The following DNAH12 variants were observed in gnomAD, a reference collection of about 807,000 sequenced individuals.
DNAH12 encodes the protein axonemal beta dynein heavy chain 12.
Under a neutral mutation model 371.5 loss-of-function variants are expected in DNAH12, and 285 were observed. The observed-to-expected ratio is 0.77, with a 90% CI of 0.70 to 0.85. The LOEUF is 0.85. Among genes scored for constraint, DNAH12 ranks in the 40% least tolerant of loss-of-function variants. The pLI is 0.00. For synonymous variants in DNAH12, 1,200 were observed against 1,213.0 expected (o/e 0.99, Z 0.22); for missense variants, 3,611 against 3,689.4 (o/e 0.98, Z 0.55).
rs1553674589 is a variant in DNAH12 at position 57,390,424 on chromosome 3, A to AT, written c.7305+1447_7305+1448insA. Among the ~76,000 whole-genome samples, 76 of 33,432 alleles carry AT rather than the reference A, an allele frequency of 2.3e-3. 2 individuals carry two copies. Among genetic ancestry groups the AT allele is most frequent in the African/African-American group, 3.8e-3 (60 of 15,866 alleles). The allele number at this position is 33,432 out of a possible 152,430, so 21.9% of individuals were successfully genotyped here. ...ATCCTGTCTCAAAAAAAAAAAAAAA[A>AT]ATATATATATATATATATATATATA... On this transcript the variant is annotated intron_variant, in intron 45 of 73. Coordinates refer to ENST00000495027, the MANE Select transcript of DNAH12 (RefSeq NM_001366028.2).
At chr3:57,313,198 C>T (rs919104510) in intron 66 of DNAH12, among the ~76,000 whole-genome samples, 1 of 152,168 alleles carries the variant, frequency 6.6e-6, no homozygotes, top group African/African-American at 2.4e-5. Flanking sequence ...TCAGATGCGT[C>T]CACCTTAAAC....
At chr3:57,341,686 C>T (rs1361968296) in intron 60 of DNAH12, among the ~76,000 whole-genome samples, 1 of 151,912 alleles carries the variant, frequency 6.6e-6, no homozygotes, top group Non-Finnish European at 1.5e-5. Context: ...GACTCTACTA[C>T]CCAAGGTGAT....
At chr3:57,493,607 G>A (rs2067206686) in intron 11 of DNAH12, 1 of 151,944 alleles carries the variant, frequency 6.6e-6, no homozygotes, top group African/African-American at 2.4e-5. Context: ...AAGGTAAAAA[G>A]TATGCATATT....
chr3:57,387,537 C>G (rs2063520800), intron 45 of DNAH12, among the ~76,000 whole-genome samples: 1 of 152,134 alleles, frequency 6.6e-6, no homozygotes, highest in Non-Finnish European at 1.5e-5. Flanking sequence ...TTTATCATGA[C>G]AGTGGCAGAA....
intron 60 of DNAH12, among the ~76,000 whole-genome samples, chr3:57,350,517 C>T (rs781975689): frequency 1.3e-5 from 2 of 152,186 alleles, no homozygotes; most frequent in Non-Finnish European, 2.9e-5. Flanking sequence ...AGACCACACA[C>T]ACACATCAGT....
intron 59 of DNAH12, among the ~76,000 whole-genome samples, chr3:57,354,462 T>A (rs910130209): frequency 8.9e-5 from 13 of 145,400 alleles, no homozygotes; most frequent in African/African-American, 3.3e-4. Context: ...TTTACCTGTA[T>A]AACAAACCTG....
intron 17 of DNAH12, among the ~76,000 whole-genome samples, chr3:57,464,293 T>G (rs1575638089): frequency 1.3e-5 from 2 of 151,866 alleles, no homozygotes; most frequent in East Asian, 1.9e-4. Context: ...CAAATCAGAG[T>G]GGCTATTCTG....
At chr3:57,476,486 C>G (rs1374041455) in intron 13 of DNAH12, among the ~76,000 whole-genome samples, 1 of 152,148 alleles carries the variant, frequency 6.6e-6, no homozygotes, top group East Asian at 1.9e-4. Flanking sequence ...ATCACTTGAA[C>G]CCAGGAGGCG....
At chr3:57,379,805 C>T (rs1216069029) in intron 51 of DNAH12, among the ~76,000 whole-genome samples, 1 of 125,124 alleles carries the variant, frequency 8.0e-6, no homozygotes, top group Non-Finnish European at 1.6e-5. Flanking sequence ...CCCGCCACTG[C>T]ACTCCAGCCT....
intron 11 of DNAH12, among the ~76,000 whole-genome samples, chr3:57,500,164 C>CCT (rs2067490430): frequency 1.4e-5 from 2 of 146,682 alleles, no homozygotes; most frequent in African/African-American, 5.2e-5. Flanking sequence ...CTCAGCCCCC[C>CCT]CTAGTAGCTG....
rs2063470178 is a variant in DNAH12, at chr3:57,384,843, G to C, written c.7846C>G (p.Leu2616Val). Residue 2616 changes from leucine to valine, a missense_variant, in exon 49 of 74, where the codon CTG becomes GTG. Leu to Val is a conservative substitution (Grantham distance 32). Transcript: ENST00000495027. ...IPALEAALSA[L>V]DTLKPADITI... Reference sequence around the variant, plus strand: ...CAAACACTTGCCTTAAGTGTATCCAGTGCAGACAGAGCTGCTTCCAAGGCT... The same window carrying C: ...CAAACACTTGCCTTAAGTGTATCCACTGCAGACAGAGCTGCTTCCAAGGCT... 6.6e-6 allele frequency: 1 copy of C among 152,156 alleles called. No individual in the cohort carries two copies. The highest frequency in any genetic ancestry group is 1.9e-4 in the East Asian group (1 of 5,192). The allele number at this position is 152,156 out of a possible 1,614,324, so 9.4% of individuals were successfully genotyped here.
At chr3:57,498,393 T>G in intron 11 of DNAH12, 4 of 681,282 alleles carry the variant, frequency 5.9e-6, no homozygotes, top group Non-Finnish European at 1.1e-5. Flanking sequence ...CATAACTCAC[T>G]GCAGACTCGA....
intron 69 of DNAH12, among the ~76,000 whole-genome samples, chr3:57,302,529 G>GTTCATATATATATATATA (rs879293648): frequency 2.1e-5 from 1 of 47,848 alleles, no homozygotes; most frequent in African/African-American, 8.5e-5. Flanking sequence ...GGCATCAGGT[G>GTTCATATATATATATATA]TATATATATA....
At chr3:57,514,810 C>G (rs1299003257) in intron 4 of DNAH12, among the ~76,000 whole-genome samples, 1 of 152,066 alleles carries the variant, frequency 6.6e-6, no homozygotes, top group African/African-American at 2.4e-5. Context: ...TAATAATTAC[C>G]TATTGAAAAG....
Position 57,378,938 on chromosome 3 carries a change from C to G in DNAH12, c.8223+220G>C, listed in dbSNP as rs971014711. Among the ~76,000 whole-genome samples, 103 of 152,290 alleles carry G rather than the reference C, an allele frequency of 6.8e-4. 1 individual carries two copies. The Middle Eastern group carries it at 0.044, about 65-fold the overall frequency. Reference sequence around the variant, plus strand: ...ACTAATTCTACTCATGATCCCTGCTCCTGCATCACTACCACCCACACCAGC... The same window carrying G: ...ACTAATTCTACTCATGATCCCTGCTGCTGCATCACTACCACCCACACCAGC... On this transcript the variant is annotated intron_variant, in intron 52 of 73. Transcript: ENST00000495027.
chr3:57,420,908 C>CAAAAAAAAAAAAAAAAA (rs369971376), intron 36 of DNAH12, among the ~76,000 whole-genome samples: 6 of 78,012 alleles, frequency 7.7e-5, no homozygotes, highest in African/African-American at 3.2e-4. Context: ...GACTCCGTCT[C>CAAAAAAAAAAAAAAAAA]AAAAAAAAAA....
In DNAH12 at chr3:57,415,457, A is replaced by T; in HGVS notation, c.5822T>A (p.Leu1941Ter). ...KDQYFPFYIN[L>*]SARTSANQVQ... ...CTGATTGGCGCTGGTCCGTGCAGAT[A>T]AGTTAATATAAAAAGGAAAGTACTG... The change falls in exon 38 of 74, where the codon TTA (leucine) becomes TAA (stop). Residue 1941 changes from leucine to a stop codon, truncating the protein, a stop_gained. Coordinates refer to ENST00000495027, the MANE Select transcript of DNAH12 (RefSeq NM_001366028.2). LOFTEE classifies it high-confidence loss of function. 1.9e-6 allele frequency: 3 copies of T among 1,550,700 alleles called. No homozygotes were observed. Among genetic ancestry groups the T allele is most frequent in the Non-Finnish European group, 2.6e-6 (3 of 1,146,766 alleles).
intron 60 of DNAH12, among the ~76,000 whole-genome samples, chr3:57,342,426 G>A (rs993085208): frequency 1.4e-4 from 20 of 139,748 alleles, no homozygotes; most frequent in African/African-American, 5.1e-4. Flanking sequence ...GGATCATGAG[G>A]TCAGGAGTTC....
chr3:57,420,318 G>A (rs1029390168), intron 36 of DNAH12, among the ~76,000 whole-genome samples: 9 of 152,120 alleles, frequency 5.9e-5, no homozygotes, highest in Admixed American at 5.2e-4. Context: ...CGATTCCAGA[G>A]CTGTGGCTGG....
Sources: gnomAD v4.1 joint callset for allele counts (sites outside exome capture counted in the v4.1 genomes callset) on GRCh38, gnomAD v4.1.1 for gene constraint, MANE v1.5 for transcripts, NCBI Gene and HGNC (gene_info 2026-07-23, HGNC 2026-07-21) for gene names.